SHE: variants seen among roughly 807,000 people sequenced by gnomAD.
SHE encodes the protein SH2 domain-containing adapter protein E.
In SHE, 11 loss-of-function variants were observed where a neutral mutation model predicts 49.8. The observed-to-expected ratio is 0.22, with a 90% CI of 0.14 to 0.37. The LOEUF (loss-of-function observed/expected upper bound fraction) is 0.37. Among genes scored for constraint, SHE ranks in the 10% least tolerant of loss-of-function variants. SHE has a pLI of 1.00. For synonymous variants in SHE, 310 were observed against 278.1 expected (o/e 1.11, Z -1.14); for missense variants, 624 against 655.5 (o/e 0.95, Z 0.52).
intron 2 of SHE, among the ~76,000 whole-genome samples, chr1:154,494,932 A>C (rs1490024120): frequency 6.6e-6 from 1 of 152,182 alleles, no homozygotes; most frequent in African/African-American, 2.4e-5. Flanking sequence ...GGTGCCTGTA[A>C]TCCCAGTTAC....
chr1:154,490,469 T>C (rs1235318687), intron 2 of SHE, among the ~76,000 whole-genome samples: 1 of 152,214 alleles, frequency 6.6e-6, no homozygotes, highest in Non-Finnish European at 1.5e-5. Flanking sequence ...AGTTGGGCTC[T>C]AGAAGCTATA....
chr1:154,490,248 A>T (rs1270233818), intron 2 of SHE, among the ~76,000 whole-genome samples: 1 of 152,268 alleles, frequency 6.6e-6, no homozygotes, highest in African/African-American at 2.4e-5. Flanking sequence ...TGTTATAGGG[A>T]AAACCAGTAA....
rs1692111269 is a variant in SHE at position 154,484,501 on chromosome 1, T to C, written c.1302-166A>G. The C allele has an allele frequency of 1.2e-5, 7 of 596,618 alleles. 1 individual carries two copies. The South Asian group carries it at 1.6e-4, about 14-fold the overall frequency. The allele number at this position is 596,618 out of a possible 1,614,324, so 37.0% of individuals were successfully genotyped here. A position where few individuals can be genotyped will look rare whatever the true frequency, so the allele number is the denominator to read the frequency against. Reference sequence around the variant, plus strand: ...CACACTCTAGTGGTACTCTCAGAAATTTCACAGTCTAAACGCATGTAATCC... The same window carrying C: ...CACACTCTAGTGGTACTCTCAGAAACTTCACAGTCTAAACGCATGTAATCC... On this transcript the variant is annotated intron_variant, in intron 5 of 5. Transcript: ENST00000304760.
In SHE at chr1:154,481,571, T is replaced by C. The variant is rs190071823; in HGVS notation, c.*2578A>G. 2 of 985,398 alleles carry C rather than the reference T, an allele frequency of 2.0e-6. No homozygotes were observed. Among genetic ancestry groups the C allele is most frequent in the Admixed American group, 6.1e-5 (1 of 16,272 alleles). The allele number at this position is 985,398 out of a possible 1,614,324, so 61.0% of individuals were successfully genotyped here. The stretch of plus-strand genomic sequence containing the variant: ...TGGGTATGGGCCAAAAATCATTTAG[T>C]GCACAAAGAAAAATTGTATAAAGCT... On this transcript the variant is annotated 3_prime_UTR_variant, in exon 6 of 6. Coordinates refer to ENST00000304760, the MANE Select transcript of SHE (RefSeq NM_001010846.3).
At position 154,491,791 on chromosome 1, in the gene SHE, G is replaced by A. The variant is rs79513938; in HGVS notation, c.719-2435C>T. ...ACGTCAAGGGGTTAACAAATGGATC[G>A]TTGTGAATACTGTGAGAATGAAAGC... On this transcript the variant is annotated intron_variant, in intron 2 of 5. Coordinates refer to ENST00000304760, the MANE Select transcript of SHE (RefSeq NM_001010846.3). Among the ~76,000 whole-genome samples the A allele has an allele frequency of 1.6e-4, 25 of 152,282 alleles. 1 individual carries two copies. In the East Asian group the frequency reaches 4.8e-3, roughly 29 times the overall value.
At chr1:154,495,671 G>A (rs961065210) in intron 2 of SHE, among the ~76,000 whole-genome samples, 1 of 152,032 alleles carries the variant, frequency 6.6e-6, no homozygotes, top group African/African-American at 2.4e-5. Flanking sequence ...AGGTCCAAGG[G>A]CAGAAATCAT....
intron 3 of SHE, 77 bp from the exon 4 acceptor site, chr1:154,486,760 G>C: frequency 6.6e-7 from 1 of 1,524,388 alleles, no homozygotes; most frequent in South Asian, 1.2e-5. Flanking sequence ...AAACCTCCTT[G>C]CCTGCCTTGG....
intron 1 of SHE, among the ~76,000 whole-genome samples, chr1:154,499,932 A>G (rs1425977946): frequency 6.6e-6 from 1 of 152,202 alleles, no homozygotes; most frequent in Non-Finnish European, 1.5e-5. Flanking sequence ...CAAAAATAGA[A>G]GGCACCTGAG....
intron 3 of SHE, among the ~76,000 whole-genome samples, chr1:154,487,411 A>G (rs1405861015): frequency 3.9e-5 from 6 of 152,192 alleles, no homozygotes; most frequent in Non-Finnish European, 8.8e-5. Flanking sequence ...ATGAAATAAT[A>G]AAACAAAAAG....
At position 154,481,408 on chromosome 1, in the gene SHE, A is replaced by C; in HGVS notation, c.*2741T>G. On this transcript the variant is annotated 3_prime_UTR_variant, in exon 6 of 6. Coordinates refer to ENST00000304760, the MANE Select transcript of SHE (RefSeq NM_001010846.3). ...CCTCTCCTCTACTTTTAATTCTATAAAGAATATAGTATGACTTGTCACAGA... is the reference window on the plus strand; with the variant it reads ...CCTCTCCTCTACTTTTAATTCTATACAGAATATAGTATGACTTGTCACAGA... 1.0e-6 allele frequency: 1 copy of C among 985,472 alleles called. No homozygotes were observed. Among genetic ancestry groups the C allele is most frequent in the African/African-American group, 1.7e-5 (1 of 57,364 alleles). The allele number at this position is 985,472 out of a possible 1,614,324, so 61.0% of individuals were successfully genotyped here. A position where few individuals can be genotyped will look rare whatever the true frequency, so the allele number is the denominator to read the frequency against.
At position 154,470,247 on chromosome 1, in the gene SHE, G is replaced by A. The variant is rs189831336; in HGVS notation, c.*94C>T. On this transcript the variant is annotated 3_prime_UTR_variant, in exon 2 of 2. Coordinates refer to the SHE transcript ENST00000486773. ...TGGGCCATGGAGGGGGCACGGGAGT[G>A]GGCACTGGAGCCAGGACGTGGAGGG... 90 of 1,213,628 alleles carry A rather than the reference G, an allele frequency of 7.4e-5. No individual in the cohort carries two copies. In the African/African-American group the frequency reaches 1.1e-3, roughly 14 times the overall value. The allele number at this position is 1,213,628 out of a possible 1,614,324, so 75.2% of individuals were successfully genotyped here.
chr1:154,496,997 ATTCCT>A (rs779840258), intron 2 of SHE, among the ~76,000 whole-genome samples: 26 of 152,052 alleles, frequency 1.7e-4, no homozygotes, highest in Non-Finnish European at 3.7e-4. Flanking sequence ...TCTTTTCCCT[ATTCCT>A]TTCAAGGCTC....
At position 154,502,068 on chromosome 1, in the gene SHE, G is replaced by C; in HGVS notation, c.-42C>G. ...GCTGGAGGCCGCGGCGAGGCCCCGC[G>C]ACGGCTGCTCCGTGCGCCCCCGGCC... On this transcript the variant is annotated 5_prime_UTR_variant, in exon 1 of 6. Coordinates refer to ENST00000304760, the MANE Select transcript of SHE (RefSeq NM_001010846.3). The C allele has an allele frequency of 5.6e-6, 7 of 1,255,144 alleles. No individual in the cohort carries two copies. Among genetic ancestry groups the C allele is most frequent in the Non-Finnish European group, 6.0e-6 (6 of 1,001,540 alleles). 77.8% of individuals were successfully genotyped at this position (1,255,144 alleles called of 1,614,324 possible). A position where few individuals can be genotyped will look rare whatever the true frequency, so the allele number is the denominator to read the frequency against.
At chr1:154,499,007 G>C (rs1692622338) in intron 2 of SHE, 105 bp downstream of exon 2, 49 of 1,405,644 alleles carry the variant, frequency 3.5e-5, no homozygotes, top group Non-Finnish European at 4.6e-5. Context: ...GCAGGATCTG[G>C]GTAAATTGCT....
intron 1 of SHE, among the ~76,000 whole-genome samples, chr1:154,474,404 C>A (rs1273704531): frequency 6.6e-6 from 1 of 152,234 alleles, no homozygotes; most frequent in Non-Finnish European, 1.5e-5. Flanking sequence ...TCCATCTATA[C>A]CTAGCCACAC....
chr1:154,477,828 T>TTGCAGTGA (rs1691915355), downstream of SHE, among the ~76,000 whole-genome samples: 1 of 147,606 alleles, frequency 6.8e-6, no homozygotes, highest in South Asian at 2.1e-4. Context: ...GAGGTGGAGG[T>TTGCAGTGA]TGCAGTGAGT....
Position 154,473,274 on chromosome 1 carries a change from A to G in SHE, c.103-2912T>C, listed in dbSNP as rs1330213356. On this transcript the variant is annotated intron_variant, in intron 1 of 1. Transcript: ENST00000486773. ...CTCAGCCTCCCAAAGTGCTGGGATT[A>G]CAGGTGTGAGCCACTGAGCCCAGCT... Among the ~76,000 whole-genome samples the G allele has an allele frequency of 2.6e-5, 4 of 151,986 alleles. No individual in the cohort carries two copies. The East Asian group carries it at 7.8e-4, about 30-fold the overall frequency.
Position 154,481,093 on chromosome 1 carries a change from G to C in SHE, c.*3056C>G, listed in dbSNP as rs190531293. 1.0e-6 allele frequency: 1 copy of C among 985,456 alleles called. No homozygotes were observed. The highest frequency in any genetic ancestry group is 6.1e-5 in the Admixed American group (1 of 16,286). 61.0% of individuals were successfully genotyped at this position (985,456 alleles called of 1,614,324 possible). A position where few individuals can be genotyped will look rare whatever the true frequency, so the allele number is the denominator to read the frequency against. On this transcript the variant is annotated 3_prime_UTR_variant, in exon 6 of 6. Transcript: ENST00000304760. Reference sequence around the variant, plus strand: ...CTCAAGACAAAATGACAAAAAGCCAGAGCATTCAGAGCTCAGAGAACATGT... The same window carrying C: ...CTCAAGACAAAATGACAAAAAGCCACAGCATTCAGAGCTCAGAGAACATGT...
chr1:154,499,684 C>T (rs920497246), intron 1 of SHE, among the ~76,000 whole-genome samples: 1 of 152,138 alleles, frequency 6.6e-6, no homozygotes, highest in Non-Finnish European at 1.5e-5. Flanking sequence ...CCAGCACTGG[C>T]TAGGCACTGT....
Sources: allele counts gnomAD v4.1 joint callset (sites outside exome capture counted in the v4.1 genomes callset), GRCh38; gene constraint gnomAD v4.1.1; transcripts MANE v1.5; gene names NCBI Gene and HGNC (gene_info 2026-07-23, HGNC 2026-07-21).